WWOX: variants seen among roughly 807,000 people sequenced by gnomAD.
The protein encoded by WWOX is WW domain containing oxidoreductase.
Under a neutral mutation model 46.2 loss-of-function variants are expected in WWOX, and 69 were observed. The ratio of observed to expected loss-of-function variants is 1.49; its 90% CI spans 1.23 to 1.82. The LOEUF (loss-of-function observed/expected upper bound fraction) is 1.82. Among genes scored for constraint, WWOX ranks in the 40% most tolerant of loss-of-function variants. The probability of loss-of-function intolerance (pLI) is 0.00; values close to 1 mark genes in which losing one functional copy is unlikely to be tolerated. For missense variants in WWOX, 919 were observed against 542.6 expected (o/e 1.69, Z -6.89); for synonymous variants, 359 against 202.6 (o/e 1.77, Z -6.56).
chr16:78,696,579 G>A (rs182075638), intron 8 of WWOX, among the ~76,000 whole-genome samples: 5 of 152,226 alleles, frequency 3.3e-5, no homozygotes, highest in East Asian at 3.9e-4. Context: ...GCAAAGAATC[G>A]ATATTCTACC....
intron 8 of WWOX, among the ~76,000 whole-genome samples, chr16:79,080,966 A>G (rs2048749709): frequency 6.6e-6 from 1 of 152,170 alleles, no homozygotes; most frequent in Non-Finnish European, 1.5e-5. Flanking sequence ...TTAGATAGTG[A>G]TGAAAAGATT....
intron 8 of WWOX, among the ~76,000 whole-genome samples, chr16:78,922,280 C>G (rs890605262): frequency 6.6e-6 from 1 of 152,040 alleles, no homozygotes; most frequent in African/African-American, 2.4e-5. Flanking sequence ...TAGTTAGGCC[C>G]CATCCTAAAT....
chr16:78,389,571 T>G (rs138765373), intron 6 of WWOX, among the ~76,000 whole-genome samples: 1 of 152,168 alleles, frequency 6.6e-6, no homozygotes, highest in Non-Finnish European at 1.5e-5. Context: ...TTTGATTCAA[T>G]TCTCAAAGCA....
chr16:78,391,227 C>A (rs571353817), intron 6 of WWOX, among the ~76,000 whole-genome samples: 2 of 152,258 alleles, frequency 1.3e-5, no homozygotes, highest in East Asian at 1.9e-4. Flanking sequence ...GTAGAGGGAG[C>A]CCTCCTAACC....
At chr16:78,949,671 C>G (rs1178515158) in intron 8 of WWOX, among the ~76,000 whole-genome samples, 2 of 152,232 alleles carry the variant, frequency 1.3e-5, no homozygotes, top group Non-Finnish European at 2.9e-5. Flanking sequence ...TGGACAAAGC[C>G]TTGAGGTATA....
intron 8 of WWOX, among the ~76,000 whole-genome samples, chr16:79,026,950 G>A (rs140765686): frequency 6.6e-6 from 1 of 151,198 alleles, no homozygotes; most frequent in East Asian, 2.0e-4. Context: ...GACTCTTAAT[G>A]AATTTTTGCT....
chr16:78,680,816 G>A (rs543782157), intron 8 of WWOX, among the ~76,000 whole-genome samples: 1 of 152,080 alleles, frequency 6.6e-6, no homozygotes, highest in Admixed American at 6.5e-5. Context: ...GATGGTTAAA[G>A]CTTAGTTTTA....
intron 5 of WWOX, chr16:78,278,839 C>T (rs2079627450): frequency 1.4e-5 from 9 of 620,918 alleles, no homozygotes; most frequent in African/African-American, 3.7e-5. Context: ...TTATGCTTTA[C>T]GACTCTTCAG....
At chr16:78,455,530 C>T (rs1020455543) in intron 8 of WWOX, among the ~76,000 whole-genome samples, 4 of 150,034 alleles carry the variant, frequency 2.7e-5, no homozygotes, top group African/African-American at 9.9e-5. Flanking sequence ...GTAGTCCCAG[C>T]TACTCTGGAT....
At chr16:78,530,239 C>G (rs1016116344) in intron 8 of WWOX, among the ~76,000 whole-genome samples, 3 of 152,148 alleles carry the variant, frequency 2.0e-5, no homozygotes, top group Non-Finnish European at 2.9e-5. Flanking sequence ...GTTTTGCCAT[C>G]CACGGACGGC....
chr16:78,645,991 C>A (rs1288418694), intron 8 of WWOX, among the ~76,000 whole-genome samples: 1 of 152,134 alleles, frequency 6.6e-6, no homozygotes, highest in South Asian at 2.1e-4. Context: ...TTCTCTCCCC[C>A]TCCTCTCCCC....
intron 1 of WWOX, chr16:78,100,120 C>T: frequency 7.3e-7 from 1 of 1,363,544 alleles, no homozygotes; most frequent in Non-Finnish European, 9.5e-7. Flanking sequence ...CTCTGCTGTT[C>T]AGGATGCAGC....
intron 8 of WWOX, among the ~76,000 whole-genome samples, chr16:79,122,689 AT>A (rs994430727): frequency 1.6e-4 from 24 of 151,244 alleles, no homozygotes; most frequent in African/African-American, 5.9e-4. Context: ...CTCGCAGGAA[AT>A]AACCGTAAGC....
At chr16:78,829,342 G>A (rs937315754) in intron 8 of WWOX, among the ~76,000 whole-genome samples, 2 of 152,174 alleles carry the variant, frequency 1.3e-5, no homozygotes, top group Non-Finnish European at 2.9e-5. Context: ...CAGGCAAAGA[G>A]AGAAAATTAT....
At chr16:78,392,034 A>G (rs564997666) in intron 6 of WWOX, among the ~76,000 whole-genome samples, 2 of 151,438 alleles carry the variant, frequency 1.3e-5, no homozygotes, top group African/African-American at 4.9e-5. Context: ...TTTTAATGCA[A>G]CAGATTTAAG....
intron 5 of WWOX, among the ~76,000 whole-genome samples, chr16:78,211,294 G>A (rs1016980400): frequency 2.0e-5 from 3 of 152,144 alleles, no homozygotes; most frequent in Admixed American, 6.6e-5. Flanking sequence ...GGACTCACAC[G>A]TCACAAGGAG....
At chr16:78,394,369 A>G (rs890742118) in intron 6 of WWOX, among the ~76,000 whole-genome samples, 7 of 152,312 alleles carry the variant, frequency 4.6e-5, no homozygotes, top group African/African-American at 9.6e-5. Context: ...TGAAAAGTCT[A>G]CAAGTTAAAT....
intron 8 of WWOX, among the ~76,000 whole-genome samples, chr16:79,210,409 C>T (rs2051686196): frequency 6.6e-6 from 1 of 152,152 alleles, no homozygotes; most frequent in African/African-American, 2.4e-5. Context: ...CCAGTAAGCA[C>T]CCTGCATGGT....
At chr16:78,168,462 G>C (rs2035047802) in intron 5 of WWOX, 1 of 148,888 alleles carries the variant, frequency 6.7e-6, no homozygotes, top group South Asian at 2.1e-4. Context: ...GCATTTTCCA[G>C]ACGAGCCAAG....
Sources: allele counts gnomAD v4.1 joint callset (sites outside exome capture counted in the v4.1 genomes callset), GRCh38; gene constraint gnomAD v4.1.1; transcripts MANE v1.5; gene names NCBI Gene and HGNC (gene_info 2026-07-23, HGNC 2026-07-21).